Variants in UXS1 observed in about 807,000 individuals in gnomAD.
UXS1 encodes UDP-glucuronate decarboxylase 1, also known as UDP-glucuronic acid decarboxylase 1.
In UXS1, 33 loss-of-function variants were observed where a neutral mutation model predicts 62.6. The observed-to-expected ratio is 0.53, with a 90% CI of 0.40 to 0.70. UXS1 has a LOEUF of 0.70. Among genes scored for constraint, UXS1 ranks in the 30% least tolerant of loss-of-function variants. The pLI is 0.00. For missense variants in UXS1, 434 were observed against 556.3 expected (o/e 0.78, Z 2.21); for synonymous variants, 213 against 206.8 (o/e 1.03, Z -0.26).
rs35043298 is a variant in UXS1, at chr2:106,190,743, C to CA, written c.94+3404dup. Among the ~76,000 whole-genome samples, 59 of 124,848 alleles carry CA rather than the reference C, an allele frequency of 4.7e-4. 11 individuals are homozygous for CA. The highest frequency in any genetic ancestry group is 6.0e-4 in the Admixed American group (7 of 11,744). The allele number at this position is 124,848 out of a possible 152,430, so 81.9% of individuals were successfully genotyped here. The stretch of plus-strand genomic sequence containing the variant: ...GGGCAACAAAAGCGAAACTCTGTAT[C>CA]AAAAAAAAAAAAAAAAGAAATGAAG... On this transcript the variant is annotated intron_variant, in intron 1 of 14. Coordinates refer to ENST00000283148, the MANE Select transcript of UXS1 (RefSeq NM_001253875.2).
At chr2:106,186,609 G>A (rs932050595) in intron 1 of UXS1, among the ~76,000 whole-genome samples, 2 of 151,952 alleles carry the variant, frequency 1.3e-5, no homozygotes, top group African/African-American at 2.4e-5. Context: ...AAAACCAAAT[G>A]CAACATGTAA....
At chr2:106,148,073 G>A (rs552350679) in intron 5 of UXS1, among the ~76,000 whole-genome samples, 3 of 152,268 alleles carry the variant, frequency 2.0e-5, no homozygotes, top group South Asian at 2.1e-4. Flanking sequence ...GAGAAGTTAC[G>A]TCTTTGACTA....
chr2:106,111,107 G>A (rs1032090990), intron 10 of UXS1, among the ~76,000 whole-genome samples: 7 of 152,210 alleles, frequency 4.6e-5, no homozygotes, highest in Admixed American at 3.3e-4. Flanking sequence ...TCCAGCTGCG[G>A]GGTTGAGAGT....
At chr2:106,096,051 G>C (rs1226445518) in intron 14 of UXS1, among the ~76,000 whole-genome samples, 2 of 152,236 alleles carry the variant, frequency 1.3e-5, no homozygotes, top group Admixed American at 1.3e-4. Flanking sequence ...CCAACCAGGG[G>C]CTCCACTGCG....
At chr2:106,125,276 TAGA>T (rs1679838478) in intron 8 of UXS1, among the ~76,000 whole-genome samples, 1 of 152,200 alleles carries the variant, frequency 6.6e-6, no homozygotes, top group Non-Finnish European at 1.5e-5. Context: ...ATGACTCACA[TAGA>T]AGAATGACAT....
At chr2:106,173,980 C>T (rs1432019302) in intron 1 of UXS1, among the ~76,000 whole-genome samples, 6 of 152,040 alleles carry the variant, frequency 3.9e-5, no homozygotes, top group African/African-American at 1.5e-4. Flanking sequence ...ATATATAATG[C>T]ACCCTGGAGA....
Position 106,110,960 on chromosome 2 carries a change from C to T in UXS1, c.879+1686G>A, listed in dbSNP as rs548356959. Among the ~76,000 whole-genome samples, 27 of 152,286 alleles carry T rather than the reference C, an allele frequency of 1.8e-4. 1 individual carries two copies. Among genetic ancestry groups the T allele is most frequent in the South Asian group, 1.2e-3 (6 of 4,824 alleles). On this transcript the variant is annotated intron_variant, in intron 10 of 14. Transcript: ENST00000283148. ...AAGAATGCCTGGAAGAAAAGCAAGACGCTGCTGGGACAGGCAGGAGCAAGG... is the reference window on the plus strand; with the variant it reads ...AAGAATGCCTGGAAGAAAAGCAAGATGCTGCTGGGACAGGCAGGAGCAAGG...
In UXS1 at chr2:106,184,678, T is replaced by C. The variant is rs77977934; in HGVS notation, c.94+9470A>G. On this transcript the variant is annotated intron_variant, in intron 1 of 14. Transcript: ENST00000283148. ...AAGACACTATCCCATGCATGAGGGC[T>C]CTGCCTCCTGACCTAATCACCTCCC... Among the ~76,000 whole-genome samples, 1,383 of 152,326 alleles carry C rather than the reference T, an allele frequency of 9.1e-3. 12 individuals are homozygous for C. Among genetic ancestry groups the C allele is most frequent in the South Asian group, 0.033 (159 of 4,826 alleles).
chr2:106,163,629 AT>A, intron 4 of UXS1, 37 bp downstream of exon 4: 1 of 1,391,046 alleles, frequency 7.2e-7, no homozygotes, highest in Non-Finnish European at 9.6e-7. Flanking sequence ...AGACAAACTT[AT>A]TTTAACTATT....
At chr2:106,108,948 G>A (rs189442967) in intron 10 of UXS1, among the ~76,000 whole-genome samples, 9 of 150,968 alleles carry the variant, frequency 6.0e-5, no homozygotes, top group Admixed American at 2.6e-4. Context: ...CCTTACCCTC[G>A]ATATCTGATC....
At chr2:106,095,505 C>T (rs2104817989) in intron 14 of UXS1, among the ~76,000 whole-genome samples, 1 of 152,356 alleles carries the variant, frequency 6.6e-6, no homozygotes, top group East Asian at 1.9e-4. Context: ...TCTGACTATG[C>T]ACATTTTAAA....
rs533618580 is a variant in UXS1 at position 106,158,417 on chromosome 2, T to A, written c.231-299A>T. 2.6e-5 allele frequency among the ~76,000 whole-genome samples: 4 copies of A among 152,326 alleles called. No homozygotes were observed. The East Asian group carries it at 7.7e-4, about 29-fold the overall frequency. ...CTGCTAAAGCAGGGCAGGCACTACCTCTATTAGTCCAGATAAAACCACACC... is the reference window on the plus strand; with the variant it reads ...CTGCTAAAGCAGGGCAGGCACTACCACTATTAGTCCAGATAAAACCACACC... On this transcript the variant is annotated intron_variant, in intron 4 of 14. Coordinates refer to ENST00000283148, the MANE Select transcript of UXS1 (RefSeq NM_001253875.2).
chr2:106,191,944 C>T (rs1170950823), intron 1 of UXS1, among the ~76,000 whole-genome samples: 1 of 152,198 alleles, frequency 6.6e-6, no homozygotes, highest in Non-Finnish European at 1.5e-5. Flanking sequence ...GCCAGTGGGT[C>T]TCAAAGTGGT....
At chr2:106,172,499 C>T (rs958087304) in intron 1 of UXS1, among the ~76,000 whole-genome samples, 3 of 152,144 alleles carry the variant, frequency 2.0e-5, no homozygotes, top group Admixed American at 2.0e-4. Flanking sequence ...GTGTGAGGTC[C>T]GGTAGCCAAG....
intron 5 of UXS1, among the ~76,000 whole-genome samples, chr2:106,146,299 T>C (rs1017212318): frequency 9.9e-5 from 15 of 152,250 alleles, no homozygotes; most frequent in Non-Finnish European, 1.8e-4. Context: ...AAATTCTCAT[T>C]CATTTCACCC....
At chr2:106,147,323 A>T (rs1573509673) in intron 5 of UXS1, among the ~76,000 whole-genome samples, 2 of 152,294 alleles carry the variant, frequency 1.3e-5, no homozygotes, top group Admixed American at 1.3e-4. Flanking sequence ...TAAAACAGAG[A>T]TCATAAACAG....
At chr2:106,146,834 G>T (rs1314130918) in intron 5 of UXS1, among the ~76,000 whole-genome samples, 1 of 149,070 alleles carries the variant, frequency 6.7e-6, no homozygotes, top group Non-Finnish European at 1.5e-5. Context: ...AATGGCAGAG[G>T]AGAAGTAAGG....
At chr2:106,161,386 T>C (rs1306385586) in intron 4 of UXS1, among the ~76,000 whole-genome samples, 3 of 152,106 alleles carry the variant, frequency 2.0e-5, no homozygotes, top group Non-Finnish European at 4.4e-5. Context: ...TATTACACCG[T>C]GCCTGGCCCA....
chr2:106,105,732 G>A (rs1005144468), intron 10 of UXS1, among the ~76,000 whole-genome samples: 2 of 152,218 alleles, frequency 1.3e-5, no homozygotes, highest in Non-Finnish European at 2.9e-5. Context: ...GGAGCGCCAC[G>A]GATCACGCCA....
Sources: gnomAD v4.1 joint callset for allele counts (sites outside exome capture counted in the v4.1 genomes callset) on GRCh38, gnomAD v4.1.1 for gene constraint, MANE v1.5 for transcripts, NCBI Gene and HGNC (gene_info 2026-07-23, HGNC 2026-07-21) for gene names.